Variants in RPS6KA2 observed in about 807,000 individuals in gnomAD.
RPS6KA2 encodes ribosomal protein S6 kinase A2, also known as ribosomal protein S6 kinase alpha-2.
A neutral mutation model predicts 91.8 loss-of-function variants in RPS6KA2; 42 were observed. The ratio of observed to expected loss-of-function variants is 0.46; its 90% CI spans 0.36 to 0.59. The LOEUF (loss-of-function observed/expected upper bound fraction) is 0.59, where lower values mean the gene tolerates loss of function less well. Among genes scored for constraint, RPS6KA2 ranks in the 20% least tolerant of loss-of-function variants. The probability of loss-of-function intolerance (pLI) is 0.00; values close to 1 mark genes in which losing one functional copy is unlikely to be tolerated. For missense variants in RPS6KA2, 798 were observed against 978.5 expected, an observed-to-expected ratio of 0.82 and a Z score of 2.46; for synonymous variants, 414 against 393.6, an observed-to-expected ratio of 1.05 and a Z score of -0.61.
At position 166,449,942 on chromosome 6, in the gene RPS6KA2, C is replaced by T. The variant is rs114752354; in HGVS notation, c.1207-1093G>A. On this transcript the variant is annotated intron_variant, in intron 13 of 20. Transcript: ENST00000265678. ...CATGACAGACTACCACAGGGACCAC[C>T]ACAGGAACCACTACAGGGACCACCA... 8.9e-3 allele frequency among the ~76,000 whole-genome samples: 1,337 copies of T among 150,868 alleles called. 24 individuals carry two copies. The highest frequency in any genetic ancestry group is 0.031 in the African/African-American group (1,270 of 41,044).
intron 11 of RPS6KA2, among the ~76,000 whole-genome samples, chr6:166,467,991 AC>A (rs1355829358): frequency 3.9e-5 from 6 of 152,130 alleles, no homozygotes; most frequent in Non-Finnish European, 8.8e-5. Context: ...ACATGCTGTG[AC>A]CCCCTGAGGG....
At chr6:166,568,765 C>G (rs1322511803) in intron 1 of RPS6KA2, among the ~76,000 whole-genome samples, 3 of 151,708 alleles carry the variant, frequency 2.0e-5, no homozygotes, top group Non-Finnish European at 4.4e-5. Context: ...CTGTGCTTGT[C>G]CCTGCATAGC....
chr6:166,826,404 T>C (rs1428580573), intron 2 of RPS6KA2, among the ~76,000 whole-genome samples: 1 of 152,234 alleles, frequency 6.6e-6, no homozygotes, highest in Non-Finnish European at 1.5e-5. Context: ...GCTCACACTG[T>C]AGGACTCAAA....
At chr6:166,542,581 G>T (rs1219153439) in intron 1 of RPS6KA2, 1 of 152,230 alleles carries the variant, frequency 6.6e-6, no homozygotes, top group Non-Finnish European at 1.5e-5. Context: ...CTGTTTAAAT[G>T]ATGTTTGAAT....
chr6:166,838,711 T>C (rs1264627266), intron 2 of RPS6KA2, among the ~76,000 whole-genome samples: 1 of 152,178 alleles, frequency 6.6e-6, no homozygotes, highest in Non-Finnish European at 1.5e-5. Context: ...CCAGGTATCC[T>C]CAAGGCCTCA....
intron 2 of RPS6KA2, among the ~76,000 whole-genome samples, chr6:166,731,402 C>T (rs772496092): frequency 1.3e-5 from 2 of 149,752 alleles, no homozygotes; most frequent in Non-Finnish European, 3.0e-5. Context: ...CAGCATTGGT[C>T]TTGTAAATGC....
intron 2 of RPS6KA2, among the ~76,000 whole-genome samples, chr6:166,846,272 A>G (rs1439323747): frequency 2.0e-5 from 3 of 152,210 alleles, no homozygotes; most frequent in Non-Finnish European, 4.4e-5. Flanking sequence ...GTTGAATTCT[A>G]TCAGACATTC....
At chr6:166,656,817 G>C (rs1788015473) in intron 2 of RPS6KA2, among the ~76,000 whole-genome samples, 1 of 152,210 alleles carries the variant, frequency 6.6e-6, no homozygotes, top group East Asian at 1.9e-4. Context: ...TCGCCTCCCA[G>C]GGCCGTTGTC....
Position 166,490,876 on chromosome 6 carries a change from T to A in RPS6KA2, c.748-135A>T. ...ATCTCCATCAGTCAATTGTAGCCACTGGCCTACGTGCTTGGGGTACAACAG... is the reference window on the plus strand; with the variant it reads ...ATCTCCATCAGTCAATTGTAGCCACAGGCCTACGTGCTTGGGGTACAACAG... On this transcript the variant is annotated intron_variant, in intron 8 of 20. Transcript: ENST00000265678. This position sits in a 1 kb window ranked among gnomAD's most constrained non-coding sequence, Gnocchi z 4.2. The A allele has an allele frequency of 1.5e-6, 1 of 659,910 alleles. No homozygotes were observed. The highest frequency in any genetic ancestry group is 2.7e-6 in the Non-Finnish European group (1 of 372,046). 40.9% of individuals were successfully genotyped at this position (659,910 alleles called of 1,614,324 possible). A position where few individuals can be genotyped will look rare whatever the true frequency, so the allele number is the denominator to read the frequency against.
intron 6 of RPS6KA2, among the ~76,000 whole-genome samples, chr6:166,502,373 T>C (rs944821987): frequency 6.6e-6 from 1 of 152,246 alleles, no homozygotes; most frequent in Non-Finnish European, 1.5e-5. Flanking sequence ...TATTCAATCT[T>C]TGCCCAGAAT....
At chr6:166,773,432 C>T (rs549024954) in intron 2 of RPS6KA2, among the ~76,000 whole-genome samples, 20 of 151,990 alleles carry the variant, frequency 1.3e-4, no homozygotes, top group Non-Finnish European at 2.4e-4. Flanking sequence ...GGTGGAGTCT[C>T]GCTGTGTCAC....
chr6:166,733,709 G>C lies in RPS6KA2; in HGVS notation c.123+124491C>G, dbSNP rs1225447859. On this transcript the variant is annotated intron_variant, in intron 2 of 21. Transcript: ENST00000503859. The surrounding 1 kb of genome is among the most constrained non-coding windows in gnomAD (Gnocchi z 4.1). Reference sequence around the variant, plus strand: ...CCCAGGCACAGGTCACATTTCAGCGGGTTCCGGAGCTCACTCTAAGTGGGG... The same window carrying C: ...CCCAGGCACAGGTCACATTTCAGCGCGTTCCGGAGCTCACTCTAAGTGGGG... Among the ~76,000 whole-genome samples the C allele has an allele frequency of 6.6e-6, 1 of 152,188 alleles. No homozygotes were observed. The highest frequency in any genetic ancestry group is 1.9e-4 in the East Asian group (1 of 5,192).
In RPS6KA2 at chr6:166,563,005, C is replaced by T. The variant is rs926751128; in HGVS notation, c.100-24221G>A. 6.6e-5 allele frequency among the ~76,000 whole-genome samples: 10 copies of T among 152,310 alleles called. No homozygotes were observed. Among genetic ancestry groups the T allele is most frequent in the South Asian group, 4.1e-4 (2 of 4,826 alleles). ...GCGGCCGAGCCAGACCGAGGAACAG[C>T]GCAAAAGGTAACATCCAAGTCACAA... is the stretch of plus-strand genomic sequence containing the variant. On this transcript the variant is annotated intron_variant, in intron 1 of 20. Coordinates refer to ENST00000265678, the MANE Select transcript of RPS6KA2 (RefSeq NM_021135.6). The surrounding 1 kb of genome is among the most constrained non-coding windows in gnomAD (Gnocchi z 4.1).
At chr6:166,623,896 C>G (rs1385618771) in intron 1 of RPS6KA2, among the ~76,000 whole-genome samples, 11 of 152,168 alleles carry the variant, frequency 7.2e-5, no homozygotes, top group African/African-American at 2.7e-4. Context: ...TCATTTTAAT[C>G]TGTAATTAAT....
intron 12 of RPS6KA2, among the ~76,000 whole-genome samples, chr6:166,455,827 C>T (rs540461903): frequency 2.0e-5 from 3 of 152,320 alleles, no homozygotes; most frequent in African/African-American, 4.8e-5. Flanking sequence ...GATTCTCCCC[C>T]GGAAAAATGA....
intron 2 of RPS6KA2, among the ~76,000 whole-genome samples, chr6:166,841,361 G>A (rs912434619): frequency 5.3e-5 from 8 of 152,266 alleles, no homozygotes; most frequent in Non-Finnish European, 8.8e-5. Context: ...CAGCGCTGAC[G>A]CGTGCTTCTT....
intron 2 of RPS6KA2, among the ~76,000 whole-genome samples, chr6:166,672,027 T>C (rs1314663553): frequency 1.3e-5 from 2 of 152,210 alleles, no homozygotes; most frequent in East Asian, 3.9e-4. Context: ...TTACGAGTTA[T>C]AGCCAAGTGC....
intron 11 of RPS6KA2, among the ~76,000 whole-genome samples, chr6:166,466,898 C>CCTTATTCATTCACTCCCTCA (rs149393454): frequency 6.7e-6 from 1 of 150,198 alleles, no homozygotes; most frequent in Non-Finnish European, 1.5e-5. Context: ...TCACTCACTC[C>CCTTATTCATTCACTCCCTCA]CTCATTCACT....
In RPS6KA2 at chr6:166,451,226, A is replaced by C. The variant is rs1313652295; in HGVS notation, c.1083T>G (p.Pro361=). Residue 361 remains proline, a synonymous_variant, in exon 13 of 21, where the codon CCT becomes CCG. Transcript: ENST00000265678. ...EFTARTPTDS[P]GVPPSANAHH... is the part of the protein sequence containing the mutation. The stretch of plus-strand genomic sequence containing the variant: ...GAGCGTTTGCACTCGGGGGGACGCC[A>C]GGAGAGTCTGTAGGTGACAGGGGCA... 1.2e-6 allele frequency: 2 copies of C among 1,613,750 alleles called. No individual in the cohort carries two copies. The highest frequency in any genetic ancestry group is 1.1e-5 in the South Asian group (1 of 91,076).
Sources: gnomAD v4.1 joint callset for allele counts (sites outside exome capture counted in the v4.1 genomes callset) on GRCh38, gnomAD v4.1.1 for gene constraint, Gnocchi (gnomAD v3.1) non-coding constraint, MANE v1.5 for transcripts, NCBI Gene and HGNC (gene_info 2026-07-23, HGNC 2026-07-21) for gene names.